The following FEZ1 variants were observed in gnomAD, a reference collection of about 807,000 sequenced individuals.
FEZ1 encodes the protein fasciculation and elongation protein zeta 1, also known as fasciculation and elongation protein zeta-1.
In FEZ1, 20 loss-of-function variants were observed where a neutral mutation model predicts 49.3. The observed-to-expected ratio is 0.41, with a 90% confidence interval of 0.29 to 0.59. FEZ1 has a LOEUF of 0.59. Ranked by LOEUF, FEZ1 falls within the 20% of genes least tolerant of loss-of-function variation. The probability of loss-of-function intolerance (pLI) is 0.36; values close to 1 mark genes in which losing one functional copy is unlikely to be tolerated. For synonymous variants in FEZ1, 170 were observed against 180.9 expected, an observed-to-expected ratio of 0.94 and a Z score of 0.48; for missense variants, 413 against 476.0, an observed-to-expected ratio of 0.87 and a Z score of 1.23.
chr11:125,445,891 C>T lies in FEZ1; in HGVS notation c.*204G>A, dbSNP rs1956893997. On this transcript the variant is annotated 3_prime_UTR_variant, in exon 10 of 10. Transcript: ENST00000278919. This position sits in a 1 kb window ranked among gnomAD's most constrained non-coding sequence, Gnocchi z 4.4. ...CACCAGCAAGGGGGAGGCACCATCACCGGCCCTGCCCCATCATGCATCCAA... is the reference window on the plus strand; with the variant it reads ...CACCAGCAAGGGGGAGGCACCATCATCGGCCCTGCCCCATCATGCATCCAA... 1 of 616,714 alleles carries T rather than the reference C, an allele frequency of 1.6e-6. No individual in the cohort carries two copies. The highest frequency in any genetic ancestry group is 1.8e-5 in the African/African-American group (1 of 55,814). 38.2% of individuals were successfully genotyped at this position (616,714 alleles called of 1,614,324 possible).
At chr11:125,459,541 A>G (rs1957052959) in intron 5 of FEZ1, among the ~76,000 whole-genome samples, 1 of 151,808 alleles carries the variant, frequency 6.6e-6, no homozygotes, top group Admixed American at 6.6e-5. Flanking sequence ...GCAGTGAGCC[A>G]AGATCATGCC....
rs186261900 is a variant in FEZ1 at position 125,444,475 on chromosome 11, C to T, written c.*1620G>A. Among the ~76,000 whole-genome samples the T allele has an allele frequency of 1.3e-5, 2 of 152,198 alleles. No individual in the cohort carries two copies. Among genetic ancestry groups the T allele is most frequent in the East Asian group, 1.9e-4 (1 of 5,172 alleles). ...TGCTGCATGCCTGTAATCCCAGCTA[C>T]TCGGGAGGCTGAGGCAGGAGAATCA... is the stretch of plus-strand genomic sequence containing the variant. On this transcript the variant is annotated 3_prime_UTR_variant, in exon 10 of 10. Coordinates refer to ENST00000278919, the MANE Select transcript of FEZ1 (RefSeq NM_005103.5).
chr11:125,495,091 G>GC lies in FEZ1; in HGVS notation c.-46+1029_-46+1030insG. ...CAGAAAAAGTATTTCGTTGCATATG[G>GC]ATCAGCAACCCCTTCGCGGTTCTGC... On this transcript the variant is annotated intron_variant, in intron 1 of 9. Transcript: ENST00000278919. This position sits in a 1 kb window ranked among gnomAD's most constrained non-coding sequence, Gnocchi z 4.2. 5.9e-6 allele frequency: 2 copies of GC among 340,010 alleles called. No individual in the cohort carries two copies. The highest frequency in any genetic ancestry group is 4.5e-5 in the South Asian group (2 of 44,564). 21.1% of individuals were successfully genotyped at this position (340,010 alleles called of 1,614,324 possible).
rs527530025 is a variant in FEZ1, at chr11:125,449,150, C to T, written c.1097-583G>A. On this transcript the variant is annotated intron_variant, in intron 8 of 9. Coordinates refer to ENST00000278919, the MANE Select transcript of FEZ1 (RefSeq NM_005103.5). Reference sequence around the variant, plus strand: ...CAAACTCCTGGGTTCAAGTAATCCTCCCCCTCTCAGCCTCCCAAGTAGCTG... The same window carrying T: ...CAAACTCCTGGGTTCAAGTAATCCTTCCCCTCTCAGCCTCCCAAGTAGCTG... Among the ~76,000 whole-genome samples the T allele has an allele frequency of 1.1e-4, 16 of 151,902 alleles. No individual in the cohort carries two copies. In the South Asian group the frequency reaches 3.3e-3, roughly 32 times the overall value.
rs1565535931 is a variant in FEZ1, at chr11:125,463,510, CGTT to C, written c.469_471del (p.Asn157del). 6.2e-7 allele frequency: 1 copy of C among 1,609,200 alleles called. No individual in the cohort carries two copies. The highest frequency in any genetic ancestry group is 1.7e-5 in the Admixed American group (1 of 60,006). On this transcript the variant is annotated inframe_deletion, in exon 4 of 10. Transcript: ENST00000278919. ...TGATCTGCTGTGAGCAGAGGCTCCT[CGTT>C]GATACCGGAATCATTTTCACTCTTC...
At chr11:125,464,917 C>G (rs761880012) in intron 3 of FEZ1, among the ~76,000 whole-genome samples, 34 of 152,270 alleles carry the variant, frequency 2.2e-4, no homozygotes, top group East Asian at 5.8e-4. Flanking sequence ...TGGTTTCCAC[C>G]GCTCCCCACT....
intron 1 of FEZ1, among the ~76,000 whole-genome samples, chr11:125,493,842 G>A (rs1957430185): frequency 6.6e-6 from 1 of 152,156 alleles, no homozygotes; most frequent in African/African-American, 2.4e-5. Context: ...TGACACCAGT[G>A]GGGTTTCTGA....
At chr11:125,454,069 C>G in intron 7 of FEZ1, 61 bp downstream of exon 7, 1 of 1,183,172 alleles carries the variant, frequency 8.5e-7, no homozygotes, top group South Asian at 1.4e-5. Flanking sequence ...CCCTGCGTTG[C>G]TGGGGAGGCC....
At chr11:125,473,992 A>G (rs1957205903) in intron 3 of FEZ1, among the ~76,000 whole-genome samples, 3 of 151,860 alleles carry the variant, frequency 2.0e-5, no homozygotes, top group South Asian at 4.2e-4. Context: ...AAAGGAAAAT[A>G]TCAATAAATT....
At chr11:125,472,572 T>A (rs1446031182) in intron 3 of FEZ1, among the ~76,000 whole-genome samples, 1 of 152,128 alleles carries the variant, frequency 6.6e-6, no homozygotes, top group Non-Finnish European at 1.5e-5. Flanking sequence ...AATTTGTAAC[T>A]GAAAATCTTC....
In FEZ1 at chr11:125,489,041, C is replaced by T. The variant is rs565241351; in HGVS notation, c.311+426G>A. Reference sequence around the variant, plus strand: ...TAACTCTCCAGGCCTGAGGGGCTGTCAAAAATTCGGGATTTTCAAAATTCT... The same window carrying T: ...TAACTCTCCAGGCCTGAGGGGCTGTTAAAAATTCGGGATTTTCAAAATTCT... On this transcript the variant is annotated intron_variant, in intron 2 of 9. Transcript: ENST00000278919. The surrounding 1 kb of genome is among the most constrained non-coding windows in gnomAD (Gnocchi z 4.2). 13 of 986,548 alleles carry T rather than the reference C, an allele frequency of 1.3e-5. No individual in the cohort carries two copies. The highest frequency in any genetic ancestry group is 1.7e-5 in the African/African-American group (1 of 57,280). 61.1% of individuals were successfully genotyped at this position (986,548 alleles called of 1,614,324 possible).
chr11:125,457,284 G>A (rs1282694853), intron 5 of FEZ1, among the ~76,000 whole-genome samples: 1 of 146,612 alleles, frequency 6.8e-6, no homozygotes, highest in Non-Finnish European at 1.5e-5. Context: ...AAAAAATTTA[G>A]GCCAGGTGCA....
intron 1 of FEZ1, among the ~76,000 whole-genome samples, chr11:125,494,199 A>G (rs919486248): frequency 1.5e-4 from 23 of 152,166 alleles, no homozygotes; most frequent in African/African-American, 5.6e-4. Flanking sequence ...TCAACACCCA[A>G]ACTGAATCCA....
At chr11:125,460,056 G>A (rs1329409671) in intron 5 of FEZ1, among the ~76,000 whole-genome samples, 5 of 151,890 alleles carry the variant, frequency 3.3e-5, no homozygotes, top group East Asian at 1.9e-4. Flanking sequence ...AGACCATGCC[G>A]CTACACTCCA....
rs1956895148 is a variant in FEZ1 at position 125,446,011 on chromosome 11, G to A, written c.*84C>T. ...TATACACGTTTAAATACATGTCGGA[G>A]GTTACATGGTCTCATGCAGTCCCTG... On this transcript the variant is annotated 3_prime_UTR_variant, in exon 10 of 10. Transcript: ENST00000278919. The A allele has an allele frequency of 7.6e-7, 1 of 1,316,334 alleles. No individual in the cohort carries two copies. Among genetic ancestry groups the A allele is most frequent in the Non-Finnish European group, 1.1e-6 (1 of 908,900 alleles). The allele number at this position is 1,316,334 out of a possible 1,614,324, so 81.5% of individuals were successfully genotyped here.
At position 125,489,833 on chromosome 11, in the gene FEZ1, T is replaced by C. The variant is rs922498720; in HGVS notation, c.-45-11A>G. 1.5e-5 allele frequency: 22 copies of C among 1,511,180 alleles called. No individual in the cohort carries two copies. The Admixed American group carries it at 2.8e-4, about 19-fold the overall frequency. 93.6% of individuals were successfully genotyped at this position (1,511,180 alleles called of 1,614,324 possible). A position where few individuals can be genotyped will look rare whatever the true frequency, so the allele number is the denominator to read the frequency against. On this transcript the variant is annotated splice_polypyrimidine_tract_variant and intron_variant, in intron 1 of 9. Transcript: ENST00000278919. This position sits in a 1 kb window ranked among gnomAD's most constrained non-coding sequence, Gnocchi z 4.2. ...TCAGGATGAGTTTATCTAAAAGAAA[T>C]GAACAGCGTAATGTGAGTTTAGACC... is the stretch of plus-strand genomic sequence containing the variant.
At chr11:125,462,154 T>TA (rs1252171714) in intron 4 of FEZ1, among the ~76,000 whole-genome samples, 5 of 152,240 alleles carry the variant, frequency 3.3e-5, no homozygotes, top group Non-Finnish European at 5.9e-5. Flanking sequence ...CCATTGCTGC[T>TA]AAAAAAGCAC....
intron 8 of FEZ1, 79 bp downstream of exon 8, chr11:125,452,255 T>G: frequency 2.1e-6 from 2 of 969,054 alleles, no homozygotes; most frequent in Non-Finnish European, 3.4e-6. Context: ...GTCTCGGGCC[T>G]GCGGCACGGA....
chr11:125,458,943 G>A (rs904835015), intron 5 of FEZ1, among the ~76,000 whole-genome samples: 1 of 152,178 alleles, frequency 6.6e-6, no homozygotes, highest in African/African-American at 2.4e-5. Context: ...GTGCATGCCT[G>A]TAATCCCAGC....
Sources: gnomAD v4.1 joint callset for allele counts (sites outside exome capture counted in the v4.1 genomes callset) on GRCh38, gnomAD v4.1.1 for gene constraint, Gnocchi (gnomAD v3.1) non-coding constraint, MANE v1.5 for transcripts, NCBI Gene and HGNC (gene_info 2026-07-23, HGNC 2026-07-21) for gene names.